ROBO2: variants seen among roughly 807,000 people sequenced by gnomAD.
The protein encoded by ROBO2 is roundabout homolog 2.
Under a neutral mutation model 160.8 loss-of-function variants are expected in ROBO2, and 53 were observed. That is an observed-to-expected ratio of 0.33 (90% CI 0.26 to 0.41). The LOEUF (loss-of-function observed/expected upper bound fraction) is 0.41. Ranked by LOEUF, ROBO2 falls within the 10% of genes least tolerant of loss-of-function variation. ROBO2 has a pLI of 1.00. For synonymous variants in ROBO2, 664 were observed against 611.7 expected (o/e 1.09, Z -1.26); for missense variants, 1,577 against 1,722.4 (o/e 0.92, Z 1.49).
chr3:77,028,824 A>T (rs2063137412), intron 2 of ROBO2, among the ~76,000 whole-genome samples: 1 of 152,214 alleles, frequency 6.6e-6, no homozygotes. Context: ...CCATATATAT[A>T]GCTGAATATT....
intron 2 of ROBO2, among the ~76,000 whole-genome samples, chr3:76,384,949 A>G (rs1024411736): frequency 6.6e-6 from 1 of 152,044 alleles, no homozygotes; most frequent in Non-Finnish European, 1.5e-5. Flanking sequence ...CAGAGACCAT[A>G]TTTCAGTTCT....
In ROBO2 at chr3:77,303,345, C is replaced by T. The variant is rs192614147; in HGVS notation, c.389-174069C>T. Among the ~76,000 whole-genome samples, 149 of 152,166 alleles carry T rather than the reference C, an allele frequency of 9.8e-4. 3 individuals carry two copies. In the East Asian group the frequency reaches 0.023, roughly 24 times the overall value. On this transcript the variant is annotated intron_variant, in intron 2 of 25. Coordinates refer to ENST00000461745, the Ensembl canonical transcript of ROBO2. ...TGAAACAGGTCAAGATAAATGAAGCCGTACGATAAACTATGGAAGACAAAA... is the reference window on the plus strand; with the variant it reads ...TGAAACAGGTCAAGATAAATGAAGCTGTACGATAAACTATGGAAGACAAAA...
intron 2 of ROBO2, among the ~76,000 whole-genome samples, chr3:76,218,401 T>C (rs904775208): frequency 5.3e-5 from 8 of 152,188 alleles, no homozygotes; most frequent in African/African-American, 1.9e-4. Flanking sequence ...AGTGATTGTA[T>C]ATCTAGAAAA....
upstream of ROBO2, among the ~76,000 whole-genome samples, chr3:77,036,161 T>C (rs1260286248): frequency 6.6e-6 from 1 of 151,944 alleles, no homozygotes; most frequent in Non-Finnish European, 1.5e-5. Context: ...TTAACTTGGG[T>C]TGATTATCTA....
intron 2 of ROBO2, among the ~76,000 whole-genome samples, chr3:76,476,962 A>G (rs1560012063): frequency 6.6e-6 from 1 of 152,208 alleles, no homozygotes; most frequent in Non-Finnish European, 1.5e-5. Flanking sequence ...GATACCATCA[A>G]AAGAACGTGG....
chr3:76,870,159 G>A (rs2071875618), intron 2 of ROBO2, among the ~76,000 whole-genome samples: 1 of 152,162 alleles, frequency 6.6e-6, no homozygotes, highest in African/African-American at 2.4e-5. Context: ...CTTTGGCTGT[G>A]CTGTGAGTTG....
chr3:76,435,238 C>T, intron 2 of ROBO2: 1 of 1,518,516 alleles, frequency 6.6e-7, no homozygotes, highest in Non-Finnish European at 9.1e-7. Context: ...ATCAACAAAA[C>T]AGATGGCTGC....
intron 2 of ROBO2, among the ~76,000 whole-genome samples, chr3:76,542,830 A>C (rs1195111302): frequency 1.3e-5 from 2 of 152,180 alleles, no homozygotes; most frequent in Admixed American, 6.5e-5. Flanking sequence ...AAGATGTTTA[A>C]AGCCTTTCAT....
rs558105270 is a variant in ROBO2, at chr3:76,979,240, G to A, written c.110-118774G>A. On this transcript the variant is annotated intron_variant, in intron 2 of 26. Coordinates refer to the ROBO2 transcript ENST00000487694. ...ATTACAGGTGTGAGCTACCACATTT[G>A]GCCCAAGTGTAGTTTTTTTTACTTA... 1.4e-3 allele frequency among the ~76,000 whole-genome samples: 210 copies of A among 152,176 alleles called. 1 individual carries two copies. The highest frequency in any genetic ancestry group is 4.7e-3 in the African/African-American group (197 of 41,516).
At chr3:77,324,216 G>A (rs906735077) in intron 2 of ROBO2, among the ~76,000 whole-genome samples, 1 of 152,134 alleles carries the variant, frequency 6.6e-6, no homozygotes, top group Non-Finnish European at 1.5e-5. Context: ...AGTTACTGCA[G>A]TATGTTGATG....
At chr3:76,483,274 A>T (rs1011830844) in intron 2 of ROBO2, among the ~76,000 whole-genome samples, 1 of 151,500 alleles carries the variant, frequency 6.6e-6, no homozygotes, top group African/African-American at 2.4e-5. Context: ...ATTCTATTAC[A>T]TGTTGTTTTC....
rs376944591 is a variant in ROBO2, at chr3:76,598,427, A to C, written c.110-499587A>C. 1.4e-4 allele frequency among the ~76,000 whole-genome samples: 22 copies of C among 152,222 alleles called. No individual in the cohort carries two copies. In the East Asian group the frequency reaches 3.7e-3, roughly 25 times the overall value. ...GTGATAAAATTGTGTAGAACTAAATACACACACATGCACACATGGATTAAT... is the reference window on the plus strand; with the variant it reads ...GTGATAAAATTGTGTAGAACTAAATCCACACACATGCACACATGGATTAAT... On this transcript the variant is annotated intron_variant, in intron 2 of 26. Transcript: ENST00000487694.
chr3:77,199,829 T>A (rs1374790424), intron 2 of ROBO2, among the ~76,000 whole-genome samples: 1 of 151,442 alleles, frequency 6.6e-6, no homozygotes, highest in Non-Finnish European at 1.5e-5. Flanking sequence ...GACCCCACTA[T>A]GTTGCCAAGG....
intron 23 of ROBO2, chr3:77,632,743 T>C: frequency 8.4e-7 from 1 of 1,191,878 alleles, no homozygotes; most frequent in Non-Finnish European, 1.1e-6. Flanking sequence ...TTCTCCTTAG[T>C]GAGTCTGACT....
At chr3:76,656,546 C>A (rs73120460) in intron 2 of ROBO2, among the ~76,000 whole-genome samples, 14,253 of 152,126 alleles carry the variant, frequency 0.094, 711 homozygotes, top group African/African-American at 0.12. Flanking sequence ...CAAGTAGAAG[C>A]ATGGATAGGA....
intron 2 of ROBO2, among the ~76,000 whole-genome samples, chr3:76,688,017 A>G (rs2092720157): frequency 6.6e-6 from 1 of 151,828 alleles, no homozygotes; most frequent in South Asian, 2.1e-4. Context: ...AAAGTATTCA[A>G]ATTATATTTT....
At chr3:76,948,400 A>C (rs1387956786) in intron 2 of ROBO2, among the ~76,000 whole-genome samples, 2 of 151,866 alleles carry the variant, frequency 1.3e-5, no homozygotes, top group Non-Finnish European at 2.9e-5. Flanking sequence ...ATTATAATAA[A>C]ATATATGCTG....
Position 76,102,018 on chromosome 3 carries a change from CGGGGTGTG to C in ROBO2, c.109+164417_109+164424del, listed in dbSNP as rs2069713359. Among the ~76,000 whole-genome samples, 7 of 143,782 alleles carry C rather than the reference CGGGGTGTG, an allele frequency of 4.9e-5. 1 individual carries two copies. In the South Asian group the frequency reaches 1.6e-3, roughly 34 times the overall value. The allele number at this position is 143,782 out of a possible 152,430, so 94.3% of individuals were successfully genotyped here. On this transcript the variant is annotated intron_variant, in intron 2 of 26. Transcript: ENST00000487694. ...GTGTCCATGTGTTCCCATTGTACCC[CGGGGTGTG>C]ATGTTCCCCTTCCTGTGTCCATGTG...
intron 2 of ROBO2, among the ~76,000 whole-genome samples, chr3:77,355,486 G>A (rs1331120759): frequency 1.3e-5 from 2 of 152,132 alleles, no homozygotes; most frequent in African/African-American, 4.8e-5. Context: ...TTGTGAAGAG[G>A]TGATTGTAGC....
Sources: gnomAD v4.1 joint callset for allele counts (sites outside exome capture counted in the v4.1 genomes callset) on GRCh38, gnomAD v4.1.1 for gene constraint, MANE v1.5 for transcripts, NCBI Gene and HGNC (gene_info 2026-07-23, HGNC 2026-07-21) for gene names.